The following TENM2 variants were observed in gnomAD, a reference collection of about 807,000 sequenced individuals.
TENM2 encodes the protein teneurin-2.
In TENM2, 52 loss-of-function variants were observed where a neutral mutation model predicts 245.2. The ratio of observed to expected loss-of-function variants is 0.21; its 90% CI spans 0.17 to 0.27. The LOEUF (loss-of-function observed/expected upper bound fraction) is 0.27. Among genes scored for constraint, TENM2 ranks in the 10% least tolerant of loss-of-function variants. The pLI, the probability that TENM2 is intolerant of heterozygous loss-of-function variation, is 1.00. For missense variants in TENM2, 3,046 were observed against 3,666.8 expected (o/e 0.83, Z 4.37); for synonymous variants, 1,363 against 1,438.9 (o/e 0.95, Z 1.19).
In TENM2 at chr5:167,646,091, CAT is replaced by C. The variant is rs553302658; in HGVS notation, c.503-229885_503-229884del. Among the ~76,000 whole-genome samples the C allele has an allele frequency of 3.0e-3, 451 of 148,906 alleles. 4 individuals are homozygous for C. The highest frequency in any genetic ancestry group is 0.01 in the African/African-American group (426 of 40,736). On this transcript the variant is annotated intron_variant, in intron 2 of 28. Coordinates refer to ENST00000518659, the Ensembl canonical transcript of TENM2. ...ATTTGTGTCTCTTGCTCCAACACAA[CAT>C]ATATATATACACACACACATATATA... is the stretch of plus-strand genomic sequence containing the variant.
At chr5:167,886,628 G>T (rs1774310174) in intron 3 of TENM2, among the ~76,000 whole-genome samples, 1 of 152,342 alleles carries the variant, frequency 6.6e-6, no homozygotes, top group African/African-American at 2.4e-5. Flanking sequence ...TGTGGTTGCT[G>T]CTGGGAAGGA....
intron 2 of TENM2, among the ~76,000 whole-genome samples, chr5:167,388,760 A>T (rs1466464225): frequency 6.6e-6 from 1 of 152,068 alleles, no homozygotes; most frequent in Non-Finnish European, 1.5e-5. Flanking sequence ...TTTTGACCCA[A>T]TGATCATTCA....
At chr5:167,536,238 G>A (rs1420758465) in intron 2 of TENM2, among the ~76,000 whole-genome samples, 1 of 151,974 alleles carries the variant, frequency 6.6e-6, no homozygotes, top group East Asian at 1.9e-4. Flanking sequence ...TTATCATAAT[G>A]ACTGGCATGT....
At chr5:167,899,783 C>T (rs1039574362) in intron 3 of TENM2, among the ~76,000 whole-genome samples, 2 of 152,116 alleles carry the variant, frequency 1.3e-5, no homozygotes, top group East Asian at 3.9e-4. Context: ...AAGCAGATTC[C>T]CTTTCTGGAG....
intron 2 of TENM2, among the ~76,000 whole-genome samples, chr5:167,579,243 C>T (rs1282167146): frequency 6.6e-6 from 1 of 152,182 alleles, no homozygotes; most frequent in African/African-American, 2.4e-5. Context: ...AAATTATTGT[C>T]TCGTACCTTG....
intron 1 of TENM2, among the ~76,000 whole-genome samples, chr5:167,322,751 A>C (rs1024979891): frequency 6.6e-5 from 10 of 152,216 alleles, no homozygotes; most frequent in African/African-American, 2.4e-4. Context: ...GGTACTTCAC[A>C]ATTTGTTGAG....
intron 2 of TENM2, among the ~76,000 whole-genome samples, chr5:167,723,060 G>C (rs1759743740): frequency 6.6e-6 from 1 of 152,050 alleles, no homozygotes; most frequent in Admixed American, 6.5e-5. Flanking sequence ...ATACACCTGA[G>C]GTTGTGTATT....
intron 2 of TENM2, among the ~76,000 whole-genome samples, chr5:167,542,797 T>C (rs1044922536): frequency 2.6e-5 from 4 of 152,118 alleles, no homozygotes; most frequent in African/African-American, 9.7e-5. Flanking sequence ...AAACCAATAA[T>C]GAGTTAGGAG....
chr5:167,359,836 TA>T (rs1347422714), intron 1 of TENM2, among the ~76,000 whole-genome samples: 3 of 152,124 alleles, frequency 2.0e-5, no homozygotes, highest in Non-Finnish European at 2.9e-5. Context: ...TATGCAGCCA[TA>T]AAAAGGAATG....
chr5:167,246,333 C>G, the TENM2 span, among the ~76,000 whole-genome samples: 27 of 152,154 alleles, frequency 1.8e-4, no homozygotes, highest in Non-Finnish European at 3.8e-4. Context: ...GCATGTATTA[C>G]TACATATACA....
chr5:167,550,699 AGT>A (rs10581183), intron 2 of TENM2, among the ~76,000 whole-genome samples: 9,898 of 113,574 alleles, frequency 0.087, 616 homozygotes, highest in African/African-American at 0.11. Context: ...TGTTGTTGTT[AGT>A]GTGTGTGTGT....
chr5:167,178,453 C>T, the TENM2 span, among the ~76,000 whole-genome samples: 1 of 152,178 alleles, frequency 6.6e-6, no homozygotes, highest in Admixed American at 6.5e-5. Flanking sequence ...TGGTCCATAA[C>T]TGTGCTTTAG....
At chr5:167,143,960 C>T in the TENM2 span, among the ~76,000 whole-genome samples, 4 of 152,096 alleles carry the variant, frequency 2.6e-5, no homozygotes, top group South Asian at 2.1e-4. Context: ...GGTGATGAGA[C>T]GTCATTACAT....
At chr5:168,129,353 G>C (rs1260626141) in intron 12 of TENM2, 1 of 152,212 alleles carries the variant, frequency 6.6e-6, no homozygotes, top group Non-Finnish European at 1.5e-5. Context: ...GAGTTCTTGA[G>C]AGACATTCAG....
At chr5:167,870,232 G>A (rs999021995) in intron 2 of TENM2, among the ~76,000 whole-genome samples, 2 of 152,092 alleles carry the variant, frequency 1.3e-5, no homozygotes, top group Admixed American at 6.6e-5. Flanking sequence ...TTTCCAGGAA[G>A]AACCTTGTTT....
intron 2 of TENM2, among the ~76,000 whole-genome samples, chr5:167,698,220 C>T (rs1336325330): frequency 7.2e-5 from 11 of 152,300 alleles, no homozygotes; most frequent in South Asian, 6.2e-4. Context: ...TTTTTACCTT[C>T]GTAACTACCT....
At chr5:167,343,589 T>C (rs1311371726) in intron 1 of TENM2, among the ~76,000 whole-genome samples, 1 of 152,238 alleles carries the variant, frequency 6.6e-6, no homozygotes, top group Non-Finnish European at 1.5e-5. Flanking sequence ...ATACTTTGTT[T>C]TAGTTCAAGA....
chr5:167,146,333 C>T, the TENM2 span, among the ~76,000 whole-genome samples: 1 of 152,258 alleles, frequency 6.6e-6, no homozygotes, highest in Non-Finnish European at 1.5e-5. Flanking sequence ...CTTGATGCCC[C>T]AGGTGAGTTG....
chr5:167,620,019 G>T (rs1040233167), intron 2 of TENM2, among the ~76,000 whole-genome samples: 4 of 152,166 alleles, frequency 2.6e-5, no homozygotes, highest in Non-Finnish European at 5.9e-5. Flanking sequence ...AGCAAAGTGT[G>T]ATTAATAATG....
Sources: gnomAD v4.1 joint callset for allele counts (sites outside exome capture counted in the v4.1 genomes callset) on GRCh38, gnomAD v4.1.1 for gene constraint, MANE v1.5 for transcripts, NCBI Gene and HGNC (gene_info 2026-07-23, HGNC 2026-07-21) for gene names.